IL3RA: variants seen among roughly 807,000 people sequenced by gnomAD.
IL3RA encodes interleukin-3 receptor subunit alpha.
In IL3RA, 73 loss-of-function variants were observed where a neutral mutation model predicts 52.3. The observed-to-expected ratio is 1.40, with a 90% CI of 1.16 to 1.70. IL3RA has a LOEUF of 1.70. IL3RA is among the 40% of genes most tolerant of loss of function. The probability of loss-of-function intolerance (pLI) is 0.00; values close to 1 mark genes in which losing one functional copy is unlikely to be tolerated. For missense variants in IL3RA, 664 were observed against 504.4 expected, an observed-to-expected ratio of 1.32 and a Z score of -3.03; for synonymous variants, 260 against 194.0, an observed-to-expected ratio of 1.34 and a Z score of -2.83.
At chrX:1,349,234 T>G (rs1449432736) in intron 4 of IL3RA, among the ~76,000 whole-genome samples, 20 of 149,136 alleles carry the variant, frequency 1.3e-4, no homozygotes, top group Admixed American at 1.2e-3. Flanking sequence ...CAGGCTGGAG[T>G]GCACTGGCGC....
chrX:1,349,285 G>C (rs1325268792), intron 4 of IL3RA, among the ~76,000 whole-genome samples: 1 of 151,270 alleles, frequency 6.6e-6, no homozygotes, highest in Non-Finnish European at 1.5e-5. Flanking sequence ...GGGTTCAAGC[G>C]ATTCTCCTGC....
intron 1 of IL3RA, among the ~76,000 whole-genome samples, chrX:1,340,941 A>C (rs1459851053): frequency 2.2e-4 from 33 of 152,070 alleles, no homozygotes; most frequent in African/African-American, 7.5e-4. Flanking sequence ...ACACGGTGAA[A>C]CCCCGTCTCT....
intron 4 of IL3RA, among the ~76,000 whole-genome samples, chrX:1,349,523 G>C (rs1395212434): frequency 2.6e-5 from 4 of 151,894 alleles, no homozygotes; most frequent in Admixed American, 6.6e-5. Context: ...TGTTACCTGA[G>C]CTGGTCTCAA....
chrX:1,344,488 A>G (rs1307296077), intron 2 of IL3RA, among the ~76,000 whole-genome samples: 1 of 151,732 alleles, frequency 6.6e-6, no homozygotes, highest in Non-Finnish European at 1.5e-5. Flanking sequence ...AGATTGTTGT[A>G]TATCAACTGG....
At chrX:1,382,015 G>A (rs764021331) in intron 11 of IL3RA, among the ~76,000 whole-genome samples, 1 of 151,212 alleles carries the variant, frequency 6.6e-6, no homozygotes, top group East Asian at 2.0e-4. Flanking sequence ...TGCAATCTCG[G>A]CTCACTGCAA....
intron 9 of IL3RA, among the ~76,000 whole-genome samples, chrX:1,367,871 G>C (rs1351313583): frequency 6.6e-6 from 1 of 151,572 alleles, no homozygotes; most frequent in Non-Finnish European, 1.5e-5. Flanking sequence ...CTCCTGCAAA[G>C]GAGAGGAGAT....
At chrX:1,377,862 G>A (rs1288769696) in intron 9 of IL3RA, among the ~76,000 whole-genome samples, 1 of 139,680 alleles carries the variant, frequency 7.2e-6, no homozygotes, top group Admixed American at 7.3e-5. Flanking sequence ...TGCAGAGCGA[G>A]ACTCTGTCTC....
At chrX:1,352,547 G>C in intron 6 of IL3RA, 41 bp downstream of exon 6, 1 of 1,593,640 alleles carries the variant, frequency 6.3e-7, no homozygotes, top group Non-Finnish European at 8.6e-7. Context: ...TCAGTTCTGT[G>C]ATACCACGGC....
intron 2 of IL3RA, among the ~76,000 whole-genome samples, chrX:1,344,007 G>A (rs1357380798): frequency 6.6e-6 from 1 of 151,836 alleles, no homozygotes; most frequent in Non-Finnish European, 1.5e-5. Context: ...TGTTAGCCAG[G>A]ATGGTCTTGA....
At chrX:1,340,808 A>G (rs1390982556) in intron 1 of IL3RA, among the ~76,000 whole-genome samples, 1 of 152,042 alleles carries the variant, frequency 6.6e-6, no homozygotes, top group African/African-American at 2.4e-5. Context: ...AACATGGTCA[A>G]ATCTCTACTA....
At position 1,348,708 on chromosome X, in the gene IL3RA, TTC is replaced by T. The variant is rs374571689; in HGVS notation, c.298+165_298+166del. On this transcript the variant is annotated intron_variant, in intron 4 of 11. Transcript: ENST00000331035. ...TTTCTTTCTTTTTCTTTCTTTCTGT[TTC>T]TGTTTCTTTCTTCCTTTCTTTTTCT... Among the ~76,000 whole-genome samples, 795 of 96,372 alleles carry T rather than the reference TTC, an allele frequency of 8.2e-3. 22 individuals are homozygous for T. Among genetic ancestry groups the T allele is most frequent in the African/African-American group, 0.034 (702 of 20,360 alleles). The allele number at this position is 96,372 out of a possible 152,430, so 63.2% of individuals were successfully genotyped here.
chrX:1,378,839 G>C (rs1178821696), intron 10 of IL3RA, 75 bp downstream of exon 10: 5 of 1,309,262 alleles, frequency 3.8e-6, no homozygotes, highest in Non-Finnish European at 5.5e-6. Context: ...GAACCATCCT[G>C]AGAATTATCA....
chrX:1,354,856 CG>C (rs2086522379), intron 6 of IL3RA, among the ~76,000 whole-genome samples: 1 of 5,022 alleles, frequency 2.0e-4, no homozygotes. Flanking sequence ...GAGGAGGAGG[CG>C]GGGGAGGGAA....
Position 1,358,857 on chromosome X carries a change from G to C in IL3RA, c.733-4G>C. 6.2e-7 allele frequency: 1 copy of C among 1,613,352 alleles called. No homozygotes were observed. Among genetic ancestry groups the C allele is most frequent in the Non-Finnish European group, 8.5e-7 (1 of 1,179,650 alleles). Reference sequence around the variant, plus strand: ...TCAAAAGTTTGCTTGCTTTTGTGTTGCAGAGAATGCAGCCTGTAATCACAG... The same window carrying C: ...TCAAAAGTTTGCTTGCTTTTGTGTTCCAGAGAATGCAGCCTGTAATCACAG... On this transcript the variant is annotated splice_polypyrimidine_tract_variant and splice_region_variant and intron_variant, in intron 7 of 11. Coordinates refer to ENST00000331035, the MANE Select transcript of IL3RA (RefSeq NM_002183.4).
At chrX:1,368,274 C>T (rs1437621139) in intron 9 of IL3RA, among the ~76,000 whole-genome samples, 3 of 151,940 alleles carry the variant, frequency 2.0e-5, no homozygotes, top group Non-Finnish European at 2.9e-5. Flanking sequence ...AACAACAAAA[C>T]AAAAGGATCG....
chrX:1,360,515 C>A (rs1446748951), intron 8 of IL3RA, among the ~76,000 whole-genome samples: 6 of 149,912 alleles, frequency 4.0e-5, no homozygotes, highest in Non-Finnish European at 8.9e-5. Context: ...TTTCTCCTTC[C>A]CTCTCTTCAT....
At chrX:1,352,022 C>G (rs2086108802) in intron 4 of IL3RA, 78 bp from the exon 5 acceptor site, 6 of 1,557,016 alleles carry the variant, frequency 3.9e-6, no homozygotes, top group Non-Finnish European at 5.2e-6. Flanking sequence ...GCCTCGGCCT[C>G]CCAAAATGCT....
chrX:1,364,119 C>T (rs1296779014), intron 8 of IL3RA, among the ~76,000 whole-genome samples: 2 of 150,558 alleles, frequency 1.3e-5, no homozygotes, highest in Admixed American at 6.6e-5. Context: ...ACCCGGGAAG[C>T]GGAGCTTGCA....
At chrX:1,382,344 T>C (rs1236165635) in intron 11 of IL3RA, 47 bp from the exon 12 acceptor site, 1 of 1,490,464 alleles carries the variant, frequency 6.7e-7, no homozygotes, top group African/African-American at 1.4e-5. Context: ...GTGGGCTCTG[T>C]TATCTGGGGG....
Sources: allele counts gnomAD v4.1 joint callset (sites outside exome capture counted in the v4.1 genomes callset), GRCh38; gene constraint gnomAD v4.1.1; transcripts MANE v1.5; gene names NCBI Gene and HGNC (gene_info 2026-07-23, HGNC 2026-07-21).